LOC400499: variants seen among roughly 807,000 people sequenced by gnomAD.
the LOC400499 span, chr16:11,404,598 C>A: frequency 2.5e-6 from 1 of 396,594 alleles, no homozygotes; most frequent in Non-Finnish European, 4.4e-6. Flanking sequence ...CTACCCACCT[C>A]GGCCTCCCAA....
chr16:11,451,878 G>T, the LOC400499 span, among the ~76,000 whole-genome samples: 2 of 152,282 alleles, frequency 1.3e-5, no homozygotes, highest in African/African-American at 4.8e-5. Flanking sequence ...ACATTGAAGA[G>T]TGGGCAGTCT....
the LOC400499 span, among the ~76,000 whole-genome samples, chr16:11,499,934 C>T: frequency 1.3e-5 from 2 of 152,270 alleles, no homozygotes; most frequent in South Asian, 2.1e-4. Context: ...CTTTGGGCCT[C>T]GGTTTTCTCA....
At chr16:11,382,772 T>C in the LOC400499 span, among the ~76,000 whole-genome samples, 46,872 of 151,852 alleles carry the variant, frequency 0.31, 8,008 homozygotes, top group African/African-American at 0.43. Context: ...ATTGTGCCAC[T>C]GCACTCCAGC....
chr16:11,445,655 T>C, the LOC400499 span, among the ~76,000 whole-genome samples: 3 of 152,074 alleles, frequency 2.0e-5, no homozygotes, highest in Non-Finnish European at 2.9e-5. Context: ...ATGAGGCAGA[T>C]GCAGGCCACG....
chr16:11,441,143 A>AC, the LOC400499 span: 1 of 398,506 alleles, frequency 2.5e-6, no homozygotes, highest in Non-Finnish European at 4.4e-6. Flanking sequence ...TGCAGAAGCT[A>AC]CCCTGGGAAT....
At chr16:11,451,987 C>G in the LOC400499 span, among the ~76,000 whole-genome samples, 1 of 152,160 alleles carries the variant, frequency 6.6e-6, no homozygotes, top group African/African-American at 2.4e-5. Flanking sequence ...AGGTCCCCAC[C>G]CAGTTGCTTG....
chr16:11,475,849 AC>A, the LOC400499 span: 1 of 389,018 alleles, frequency 2.6e-6, no homozygotes, highest in Non-Finnish European at 4.5e-6. Context: ...GGCAGTGCAC[AC>A]GCTGGTGTGG....
the LOC400499 span, among the ~76,000 whole-genome samples, chr16:11,378,558 C>G: frequency 1.3e-5 from 2 of 152,230 alleles, no homozygotes; most frequent in Admixed American, 1.3e-4. Context: ...CCACTGCACC[C>G]AGCCAGCTTC....
At chr16:11,455,222 C>T in the LOC400499 span, among the ~76,000 whole-genome samples, 1 of 152,062 alleles carries the variant, frequency 6.6e-6, no homozygotes, top group Non-Finnish European at 1.5e-5. Flanking sequence ...CAGATGTTAA[C>T]AAAAGGTAAC....
At chr16:11,449,192 G>A in the LOC400499 span, 2 of 1,201,976 alleles carry the variant, frequency 1.7e-6, no homozygotes, top group Non-Finnish European at 2.2e-6. Context: ...TTTCCTGCTT[G>A]GTGAACTCCT....
the LOC400499 span, chr16:11,440,644 C>T: frequency 2.5e-6 from 1 of 398,356 alleles, no homozygotes; most frequent in Non-Finnish European, 4.4e-6. Flanking sequence ...CCTCCTCAGA[C>T]ATCTCATACA....
At chr16:11,506,279 C>A in the LOC400499 span, among the ~76,000 whole-genome samples, 1 of 152,172 alleles carries the variant, frequency 6.6e-6, no homozygotes, top group Non-Finnish European at 1.5e-5. Context: ...CCCGCCTCAG[C>A]CTCCCAAAGT....
the LOC400499 span, chr16:11,442,604 G>A: frequency 2.6e-5 from 4 of 152,156 alleles, no homozygotes; most frequent in Admixed American, 2.6e-4. Flanking sequence ...CCCTGTTGTT[G>A]TCAGCTGGGA....
chr16:11,491,358 G>C, the LOC400499 span, among the ~76,000 whole-genome samples: 14 of 152,228 alleles, frequency 9.2e-5, no homozygotes, highest in South Asian at 2.5e-3. Flanking sequence ...TCTATCTTAG[G>C]TCTCTCTTTA....
the LOC400499 span, chr16:11,487,527 CT>C: frequency 0.34 from 134,333 of 394,592 alleles, 25,753 homozygotes; most frequent in African/African-American, 0.57. Flanking sequence ...GGGAAACAGC[CT>C]TTAAGCCTTT....
the LOC400499 span, among the ~76,000 whole-genome samples, chr16:11,468,272 A>C: frequency 6.6e-6 from 1 of 152,218 alleles, no homozygotes; most frequent in African/African-American, 2.4e-5. Flanking sequence ...GTACTTCTGC[A>C]GGAAATTTGG....
the LOC400499 span, among the ~76,000 whole-genome samples, chr16:11,387,638 A>ATTTTG: frequency 6.6e-6 from 1 of 151,380 alleles, no homozygotes; most frequent in Admixed American, 6.6e-5. Context: ...GGTCTAGGAA[A>ATTTTG]TTTTGTTTTT....
the LOC400499 span, among the ~76,000 whole-genome samples, chr16:11,516,823 C>T: frequency 3.9e-5 from 6 of 152,214 alleles, no homozygotes; most frequent in South Asian, 1.2e-3. Flanking sequence ...ATTTTTAAAC[C>T]TTTTGTAGAG....
the LOC400499 span, chr16:11,515,867 CCCAGCCCAGCCCAGCCCAGCCCAGCCTA>C: frequency 9.1e-5 from 3 of 32,954 alleles, no homozygotes; most frequent in Non-Finnish European, 2.5e-4. Context: ...CCCAGCCCAG[CCCAGCCCAGCCCAGCCCAGCCCAGCCTA>C]GCCCAGCCCA....
Sources: allele counts gnomAD v4.1 joint callset (sites outside exome capture counted in the v4.1 genomes callset), GRCh38; gene constraint gnomAD v4.1.1; transcripts MANE v1.5.